SMARCC1: variants seen among roughly 807,000 people sequenced by gnomAD.
The protein encoded by SMARCC1 is SWI/SNF complex subunit SMARCC1.
Under a neutral mutation model 147.4 loss-of-function variants are expected in SMARCC1, and 43 were observed. That is an observed-to-expected ratio of 0.29 (90% CI 0.23 to 0.38). The LOEUF is 0.38. Among genes scored for constraint, SMARCC1 ranks in the 10% least tolerant of loss-of-function variants. The pLI is 1.00. For missense variants in SMARCC1, 1,119 were observed against 1,381.1 expected, an observed-to-expected ratio of 0.81 and a Z score of 3.01; for synonymous variants, 495 against 484.4, an observed-to-expected ratio of 1.02 and a Z score of -0.29.
In SMARCC1 at chr3:47,646,090, C is replaced by T. The variant is rs1173389486; in HGVS notation, c.2321-7310G>A. ...ACCCCAGCACTTTGGGAGGCCGAGG[C>T]GTGAGGATCACTTGAGCCCAGGAGT... On this transcript the variant is annotated intron_variant, in intron 21 of 27. Coordinates refer to ENST00000254480, the MANE Select transcript of SMARCC1 (RefSeq NM_003074.4). Among the ~76,000 whole-genome samples the T allele has an allele frequency of 2.0e-5, 3 of 151,918 alleles. No individual in the cohort carries two copies. In the South Asian group the frequency reaches 6.2e-4, roughly 32 times the overall value.
At chr3:47,741,184 T>G (rs930813117) in intron 3 of SMARCC1, among the ~76,000 whole-genome samples, 21 of 151,804 alleles carry the variant, frequency 1.4e-4, no homozygotes, top group Admixed American at 5.3e-4. Context: ...ACTGTTTCAG[T>G]AGAGCGGGAG....
chr3:47,652,623 CAAAAAA>C (rs11377736), intron 21 of SMARCC1, among the ~76,000 whole-genome samples: 1 of 134,952 alleles, frequency 7.4e-6, no homozygotes, highest in Non-Finnish European at 1.6e-5. Context: ...CTTGCTTTTG[CAAAAAA>C]AAAAAAAAAA....
At chr3:47,705,526 T>C (rs1033159264) in intron 10 of SMARCC1, among the ~76,000 whole-genome samples, 5 of 152,198 alleles carry the variant, frequency 3.3e-5, no homozygotes, top group African/African-American at 9.6e-5. Context: ...AGACTTCTAT[T>C]AGTAAGAGTG....
In SMARCC1 at chr3:47,710,305, A is replaced by G. The variant is rs1188032261; in HGVS notation, c.918+378T>C. Reference sequence around the variant, plus strand: ...TGTACTCCAGCCTGGGCTACAGAGCAAGACTCTGTCTCAAAAAATATATAT... The same window carrying G: ...TGTACTCCAGCCTGGGCTACAGAGCGAGACTCTGTCTCAAAAAATATATAT... On this transcript the variant is annotated intron_variant, in intron 9 of 27. Transcript: ENST00000254480. 2.0e-5 allele frequency among the ~76,000 whole-genome samples: 3 copies of G among 152,098 alleles called. 1 individual carries two copies. The highest frequency in any genetic ancestry group is 1.3e-4 in the Admixed American group (2 of 15,240).
intron 26 of SMARCC1, among the ~76,000 whole-genome samples, chr3:47,607,453 A>G (rs2032493174): frequency 6.6e-6 from 1 of 152,212 alleles, no homozygotes; most frequent in African/African-American, 2.4e-5. Flanking sequence ...CAAAAGCACA[A>G]ACTTTGGCTC....
intron 14 of SMARCC1, among the ~76,000 whole-genome samples, chr3:47,683,187 C>T (rs955827130): frequency 3.3e-5 from 5 of 152,262 alleles, no homozygotes; most frequent in African/African-American, 9.6e-5. Flanking sequence ...GGAATACACG[C>T]GCCCGCCACC....
intron 1 of SMARCC1, among the ~76,000 whole-genome samples, chr3:47,775,537 G>C (rs1002044880): frequency 6.7e-6 from 1 of 150,016 alleles, no homozygotes; most frequent in Admixed American, 6.6e-5. Flanking sequence ...ACTTTGGGAG[G>C]CCGAGGCGGG....
intron 5 of SMARCC1, among the ~76,000 whole-genome samples, chr3:47,730,583 C>A (rs535854096): frequency 6.6e-6 from 1 of 152,020 alleles, no homozygotes. Context: ...CTAACAATAG[C>A]GGCTGGGTCC....
chr3:47,600,113 G>T (rs2032360011), intron 26 of SMARCC1, among the ~76,000 whole-genome samples: 1 of 152,198 alleles, frequency 6.6e-6, no homozygotes, highest in Non-Finnish European at 1.5e-5. Flanking sequence ...TTGTGAAAAA[G>T]ATTCTTTATC....
intron 2 of SMARCC1, among the ~76,000 whole-genome samples, chr3:47,768,159 T>G (rs1204190949): frequency 1.3e-5 from 2 of 152,156 alleles, no homozygotes; most frequent in Non-Finnish European, 2.9e-5. Context: ...CCATACTGAT[T>G]ACTCAGGGAA....
At chr3:47,636,189 C>G (rs1018552164) in intron 22 of SMARCC1, 53 bp from the exon 23 acceptor site, 51 of 921,014 alleles carry the variant, frequency 5.5e-5, no homozygotes, top group Non-Finnish European at 7.8e-5. Context: ...AACCCCAGAC[C>G]TTTTTATGAG....
intron 10 of SMARCC1, 88 bp from the exon 11 acceptor site, chr3:47,701,490 T>C (rs748447785): frequency 6.1e-5 from 73 of 1,194,116 alleles, no homozygotes; most frequent in Non-Finnish European, 8.2e-5. Context: ...CCTTCATTAT[T>C]TGTAGAACAT....
At position 47,617,737 on chromosome 3, in the gene SMARCC1, G is replaced by T. The variant is rs181365362; in HGVS notation, c.2781+4470C>A. On this transcript the variant is annotated intron_variant, in intron 25 of 27. Transcript: ENST00000254480. Reference sequence around the variant, plus strand: ...GCGGGTGGCATTTTGAAGTTCAAATGACACATTTTGGTTGGTAAGAGAACA... The same window carrying T: ...GCGGGTGGCATTTTGAAGTTCAAATTACACATTTTGGTTGGTAAGAGAACA... 9.8e-4 allele frequency among the ~76,000 whole-genome samples: 149 copies of T among 152,164 alleles called. 1 individual carries two copies. Among genetic ancestry groups the T allele is most frequent in the Non-Finnish European group, 1.2e-3 (83 of 68,024 alleles).
chr3:47,780,644 G>GCCA (rs2035035101), intron 1 of SMARCC1, among the ~76,000 whole-genome samples: 1 of 152,174 alleles, frequency 6.6e-6, no homozygotes, highest in African/African-American at 2.4e-5. Flanking sequence ...ATAAGTATCA[G>GCCA]CCACGTTCCC....
chr3:47,722,033 A>C (rs910671063), intron 6 of SMARCC1, among the ~76,000 whole-genome samples: 2 of 152,040 alleles, frequency 1.3e-5, no homozygotes, highest in African/African-American at 4.8e-5. Context: ...ACAAAAGGTG[A>C]AAATGACAGA....
intron 21 of SMARCC1, among the ~76,000 whole-genome samples, chr3:47,643,811 T>G (rs946213942): frequency 6.6e-6 from 1 of 152,142 alleles, no homozygotes; most frequent in South Asian, 2.1e-4. Flanking sequence ...TCAAATTAAA[T>G]ACATAACCTG....
chr3:47,727,604 T>C (rs2034314911), intron 6 of SMARCC1, among the ~76,000 whole-genome samples: 1 of 152,022 alleles, frequency 6.6e-6, no homozygotes, highest in Non-Finnish European at 1.5e-5. Context: ...CTTTTACCAA[T>C]AGGTTGTTTT....
chr3:47,704,804 C>T (rs978948286), intron 10 of SMARCC1, among the ~76,000 whole-genome samples: 1 of 151,880 alleles, frequency 6.6e-6, no homozygotes, highest in African/African-American at 2.4e-5. Flanking sequence ...GTAGTCTCAG[C>T]TACTCCAGAG....
chr3:47,686,172 T>C lies in SMARCC1; in HGVS notation c.1264-2A>G. 6.2e-7 allele frequency: 1 copy of C among 1,610,380 alleles called. No homozygotes were observed. Among genetic ancestry groups the C allele is most frequent in the Non-Finnish European group, 8.5e-7 (1 of 1,177,564 alleles). Reference sequence around the variant, plus strand: ...ACCTTTGGCAGGATCTTCATCTTCCTATAGAAAAGAAGACAAAGTTCAAAG... The same window carrying C: ...ACCTTTGGCAGGATCTTCATCTTCCCATAGAAAAGAAGACAAAGTTCAAAG... On this transcript the variant is annotated splice_acceptor_variant, in intron 13 of 27. Transcript: ENST00000254480. LOFTEE classifies it high-confidence loss of function.
Sources: allele counts gnomAD v4.1 joint callset (sites outside exome capture counted in the v4.1 genomes callset), GRCh38; gene constraint gnomAD v4.1.1; transcripts MANE v1.5; gene names NCBI Gene and HGNC (gene_info 2026-07-23, HGNC 2026-07-21).